TRAK2: variants seen among roughly 807,000 people sequenced by gnomAD.
TRAK2 encodes trafficking kinesin protein 2.
Under a neutral mutation model 104.6 loss-of-function variants are expected in TRAK2, and 81 were observed. That is an observed-to-expected ratio of 0.77 (90% CI 0.65 to 0.93). The LOEUF (loss-of-function observed/expected upper bound fraction) is 0.93, where lower values mean the gene tolerates loss of function less well. Among genes scored for constraint, TRAK2 ranks in the 40% least tolerant of loss-of-function variants. TRAK2 has a pLI of 0.00. For synonymous variants in TRAK2, 406 were observed against 394.4 expected (o/e 1.03, Z -0.35); for missense variants, 1,002 against 1,089.0 (o/e 0.92, Z 1.12).
At chr2:201,383,777 T>G (rs1353555639) in intron 15 of TRAK2, among the ~76,000 whole-genome samples, 2 of 152,172 alleles carry the variant, frequency 1.3e-5, no homozygotes, top group Non-Finnish European at 2.9e-5. Flanking sequence ...GAAGTGAAGG[T>G]GAGCTTGTGC....
At chr2:201,431,203 A>G (rs1951839513) in intron 1 of TRAK2, among the ~76,000 whole-genome samples, 1 of 152,242 alleles carries the variant, frequency 6.6e-6, no homozygotes, top group African/African-American at 2.4e-5. Context: ...AGGTTTGCTA[A>G]TAACAAAAAA....
Position 201,397,573 on chromosome 2 carries a change from T to G in TRAK2, c.698A>C (p.His233Pro). Residue 233 changes from histidine (H) to proline (P), a missense_variant, in exon 7 of 16, where the codon CAC (histidine) becomes CCC (proline). Transcript: ENST00000332624. ...ENMALRSKAC[H>P]IKTETVTYEE... ...ATAGGTAACAGTTTCTGTCTTTATGTGACAAGCCTTCAAGAAAAAAATCAG... is the reference window on the plus strand; with the variant it reads ...ATAGGTAACAGTTTCTGTCTTTATGGGACAAGCCTTCAAGAAAAAAATCAG... The G allele has an allele frequency of 6.2e-7, 1 of 1,611,584 alleles. No individual in the cohort carries two copies. The highest frequency in any genetic ancestry group is 8.5e-7 in the Non-Finnish European group (1 of 1,178,364).
At chr2:201,393,073 T>A in intron 9 of TRAK2, 27 bp from the exon 10 acceptor site, 1 of 1,578,676 alleles carries the variant, frequency 6.3e-7, no homozygotes, top group South Asian at 1.2e-5. Context: ...TAGTGTACTT[T>A]ATTGCCTTCC....
At chr2:201,411,320 A>AT in intron 2 of TRAK2, 1 of 757,304 alleles carries the variant, frequency 1.3e-6, no homozygotes, top group Non-Finnish European at 2.5e-6. Flanking sequence ...TTTTATGTTT[A>AT]TTCTGAAACC....
chr2:201,423,927 G>T (rs1013389880), intron 1 of TRAK2, among the ~76,000 whole-genome samples: 3 of 152,084 alleles, frequency 2.0e-5, no homozygotes, highest in South Asian at 2.1e-4. Context: ...ATAGTAATCT[G>T]TGTTACCCAG....
At chr2:201,432,394 T>G (rs1007041697) in intron 1 of TRAK2, among the ~76,000 whole-genome samples, 2 of 152,242 alleles carry the variant, frequency 1.3e-5, no homozygotes, top group Non-Finnish European at 2.9e-5. Context: ...TGCCGGATCT[T>G]TATTCAACCT....
rs2256584 is a variant in TRAK2, at chr2:201,395,326, G to A, written c.888C>T (p.His296=). 1 allele frequency: 1,596,612 copies of A among 1,603,636 alleles called. 795,055 individuals carry two copies. The highest frequency in any genetic ancestry group is 1 in the East Asian group (44,730 of 44,730). ...SLLSQIVDLQ[H]KLKEHVIEKE... ...TGAATAAACCTACTTCTTTAAGTTT[G>A]TGCTGAAGGTCTACAATCTGTGACA... Residue 296 remains histidine (H), a synonymous_variant, in exon 8 of 16, where the codon CAC becomes CAT. Transcript: ENST00000332624.
Position 201,398,361 on chromosome 2 carries a change from A to G in TRAK2, c.481-7T>C, listed in dbSNP as rs751074139. 1 of 1,605,666 alleles carries G rather than the reference A, an allele frequency of 6.2e-7. No homozygotes were observed. The highest frequency in any genetic ancestry group is 8.5e-7 in the Non-Finnish European group (1 of 1,173,528). ...CATGCTGCAGCTGATTAACCTGTCCATATAAAATGCTTGATTTTCATGTTC... is the reference window on the plus strand; with the variant it reads ...CATGCTGCAGCTGATTAACCTGTCCGTATAAAATGCTTGATTTTCATGTTC... On this transcript the variant is annotated splice_region_variant and splice_polypyrimidine_tract_variant and intron_variant, in intron 5 of 15. Transcript: ENST00000332624.
intron 3 of TRAK2, among the ~76,000 whole-genome samples, chr2:201,407,003 T>C (rs1429921811): frequency 1.3e-5 from 2 of 152,226 alleles, no homozygotes; most frequent in South Asian, 2.1e-4. Context: ...TTCTTGTGAC[T>C]GTGTTTACCA....
intron 2 of TRAK2, among the ~76,000 whole-genome samples, chr2:201,408,555 A>G (rs1951616693): frequency 6.6e-6 from 1 of 152,160 alleles, no homozygotes; most frequent in Non-Finnish European, 1.5e-5. Context: ...ATTTGTAGAA[A>G]TTTCATATTT....
At chr2:201,411,692 C>CA in intron 2 of TRAK2, 1 of 781,464 alleles carries the variant, frequency 1.3e-6, no homozygotes, top group African/African-American at 1.7e-5. Flanking sequence ...CTAAAATACC[C>CA]ATGAGGACTG....
At position 201,378,364 on chromosome 2, in the gene TRAK2, G is replaced by A. The variant is rs1042701212; in HGVS notation, c.*2179C>T. The A allele has an allele frequency of 3.9e-5, 6 of 152,094 alleles. No individual in the cohort carries two copies. Among genetic ancestry groups the A allele is most frequent in the African/African-American group, 1.4e-4 (6 of 41,416 alleles). 9.4% of individuals were successfully genotyped at this position (152,094 alleles called of 1,614,324 possible). ...ACGGCAAGATCTAGTTCAATTTATA[G>A]CTTTAAGTAATACACATAAATCGGA... On this transcript the variant is annotated 3_prime_UTR_variant, in exon 16 of 16. Coordinates refer to ENST00000332624, the MANE Select transcript of TRAK2 (RefSeq NM_015049.3).
intron 14 of TRAK2, 29 bp downstream of exon 14, chr2:201,386,189 T>C (rs771920013): frequency 6.8e-6 from 11 of 1,611,606 alleles, no homozygotes; most frequent in Admixed American, 1.7e-5. Flanking sequence ...CTGGTTATTA[T>C]ACCATATTCA....
intron 2 of TRAK2, among the ~76,000 whole-genome samples, chr2:201,414,317 C>A (rs1307173244): frequency 6.6e-6 from 1 of 152,148 alleles, no homozygotes; most frequent in Non-Finnish European, 1.5e-5. Flanking sequence ...GCTTAAAATA[C>A]TAGGGCTTAA....
At chr2:201,440,325 C>T (rs1016146038) in intron 1 of TRAK2, among the ~76,000 whole-genome samples, 6 of 152,108 alleles carry the variant, frequency 3.9e-5, no homozygotes, top group African/African-American at 1.4e-4. Context: ...CTTTCTAACT[C>T]GCTGTTGGCT....
chr2:201,408,401 G>C (rs1223930786), intron 2 of TRAK2, among the ~76,000 whole-genome samples: 1 of 152,044 alleles, frequency 6.6e-6, no homozygotes, highest in East Asian at 1.9e-4. Context: ...CGGGGGTTTG[G>C]TGTACAGATT....
intron 1 of TRAK2, among the ~76,000 whole-genome samples, chr2:201,448,375 C>T (rs1951982150): frequency 1.3e-5 from 2 of 152,184 alleles, no homozygotes; most frequent in Non-Finnish European, 2.9e-5. Context: ...ATAAAAACAC[C>T]TCAGTGCTAT....
intron 1 of TRAK2, among the ~76,000 whole-genome samples, chr2:201,445,869 A>G (rs1951960491): frequency 6.6e-6 from 1 of 152,270 alleles, no homozygotes; most frequent in Non-Finnish European, 1.5e-5. Flanking sequence ...ATGTAAATGC[A>G]GGATGCAGGA....
chr2:201,394,349 T>TC (rs1951478482), intron 9 of TRAK2, among the ~76,000 whole-genome samples: 1 of 131,892 alleles, frequency 7.6e-6, no homozygotes, highest in Admixed American at 7.1e-5. Flanking sequence ...TTTTCTTTCT[T>TC]TTTTTTTTTT....
Sources: gnomAD v4.1 joint callset for allele counts (sites outside exome capture counted in the v4.1 genomes callset) on GRCh38, gnomAD v4.1.1 for gene constraint, MANE v1.5 for transcripts, NCBI Gene and HGNC (gene_info 2026-07-23, HGNC 2026-07-21) for gene names.